The following RAE1 variants were observed in gnomAD, a reference collection of about 807,000 sequenced individuals.
RAE1 encodes mRNA export factor RAE1.
Under a neutral mutation model 52.7 loss-of-function variants are expected in RAE1, and 13 were observed. The observed-to-expected ratio is 0.25, with a 90% CI of 0.16 to 0.39. The LOEUF (loss-of-function observed/expected upper bound fraction) is 0.39, where lower values mean the gene tolerates loss of function less well. Ranked by LOEUF, RAE1 falls within the 10% of genes least tolerant of loss-of-function variation. The probability of loss-of-function intolerance (pLI) is 1.00; values close to 1 mark genes in which losing one functional copy is unlikely to be tolerated. For missense variants in RAE1, 262 were observed against 459.8 expected (o/e 0.57, Z 3.93); for synonymous variants, 164 against 153.1 (o/e 1.07, Z -0.52).
intron 4 of RAE1, among the ~76,000 whole-genome samples, chr20:57,364,311 C>G (rs1194748876): frequency 6.6e-6 from 1 of 152,184 alleles, no homozygotes; most frequent in African/African-American, 2.4e-5. Flanking sequence ...TTGGCATGCT[C>G]TGCTCCACAA....
rs561924066 is a variant in RAE1, at chr20:57,374,814, G to A, written c.1020+13G>A. 1.5e-5 allele frequency: 24 copies of A among 1,614,094 alleles called. No individual in the cohort carries two copies. Among genetic ancestry groups the A allele is most frequent in the East Asian group, 2.2e-5 (1 of 44,872 alleles). On this transcript the variant is annotated intron_variant, in intron 11 of 11. Transcript: ENST00000395841. ...CGACTGGTCAAAGGTGAGAACTCCC[G>A]GGCCTGCTCTGGGTGCTCCAAGGCA...
chr20:57,359,610 G>A (rs1568782437), intron 4 of RAE1: 1 of 152,228 alleles, frequency 6.6e-6, no homozygotes, highest in East Asian at 1.9e-4. Flanking sequence ...CTGTGGGTAA[G>A]TTGAAAGTTG....
Position 57,356,491 on chromosome 20 carries a change from G to T in RAE1, c.241G>T (p.Ala81Ser). ...AGACAGTGGACAGACCATTCCAAAA[G>T]CCCAGCAGATGCACACTGGGCCTGT... ...VQDSGQTIPK[A>S]QQMHTGPVLD... The change falls in exon 4 of 12, where the codon GCC (alanine) becomes TCC (serine). Residue 81 changes from alanine (A) to serine (S), a missense_variant. Ala to Ser is a moderately conservative substitution (Grantham distance 99). Transcript: ENST00000395841. The T allele has an allele frequency of 6.2e-7, 1 of 1,613,448 alleles. No homozygotes were observed.
chr20:57,370,705 T>G (rs1301130881), intron 8 of RAE1, among the ~76,000 whole-genome samples: 1 of 152,270 alleles, frequency 6.6e-6, no homozygotes, highest in East Asian at 1.9e-4. Flanking sequence ...CCATCTACTT[T>G]ATACGTATGT....
At chr20:57,366,977 T>C in intron 6 of RAE1, 31 bp from the exon 7 acceptor site, 5 of 1,593,022 alleles carry the variant, frequency 3.1e-6, no homozygotes, top group Non-Finnish European at 4.3e-6. Context: ...CTCTGAATGG[T>C]CACATACTGG....
Position 57,373,476 on chromosome 20 carries a change from A to G in RAE1, c.644A>G (p.His215Arg). 6.2e-7 allele frequency: 1 copy of G among 1,612,204 alleles called. No individual in the cohort carries two copies. Among genetic ancestry groups the G allele is most frequent in the Non-Finnish European group, 8.5e-7 (1 of 1,178,406 alleles). ...GTCTCTTTTTTATTTTAACTGTAGC[A>G]TCGGTGTGTGGCTATTTTTAAAGAC... ...RRIESPLKHQ[H>R]RCVAIFKDKQ... Residue 215 changes from histidine (H) to arginine (R), a missense_variant and splice_region_variant, in exon 9 of 12, where the codon CAT becomes CGT. By Grantham distance (29) the His-to-Arg change is conservative. Coordinates refer to ENST00000395841, the MANE Select transcript of RAE1 (RefSeq NM_003610.4).
intron 11 of RAE1, 116 bp downstream of exon 11, chr20:57,374,917 G>T (rs1381652890): frequency 8.6e-7 from 1 of 1,168,468 alleles, no homozygotes; most frequent in Non-Finnish European, 1.3e-6. Flanking sequence ...TCCTTGGGCA[G>T]GTCACCGTCC....
At chr20:57,361,809 A>G in intron 4 of RAE1, among the ~76,000 whole-genome samples, 1 of 152,180 alleles carries the variant, frequency 6.6e-6, no homozygotes, top group Non-Finnish European at 1.5e-5. Flanking sequence ...CCTATGGGCA[A>G]TCTTAATTTT....
chr20:57,360,517 TGTA>T (rs2066876781), intron 4 of RAE1, among the ~76,000 whole-genome samples: 1 of 152,188 alleles, frequency 6.6e-6, no homozygotes, highest in Non-Finnish European at 1.5e-5. Context: ...AATTGTTGCT[TGTA>T]GTACTCTGGC....
rs926015510 is a variant in RAE1, at chr20:57,378,289, G to T, written c.*190G>T. 1.2e-4 allele frequency: 65 copies of T among 537,744 alleles called. No homozygotes were observed. The highest frequency in any genetic ancestry group is 7.3e-5 in the Non-Finnish European group (22 of 301,186). The allele number at this position is 537,744 out of a possible 1,614,324, so 33.3% of individuals were successfully genotyped here. On this transcript the variant is annotated 3_prime_UTR_variant, in exon 12 of 12. Transcript: ENST00000395841. ...CGACTTGCCGTCTCTCCATTCCACT[G>T]CCTGTTGCAGAGTTTTTCTGTAACT...
chr20:57,351,815 C>T (rs922447473), intron 1 of RAE1: 2 of 985,370 alleles, frequency 2.0e-6, no homozygotes, highest in African/African-American at 1.7e-5. Context: ...CCATTTCTTT[C>T]GTAGCAGTTA....
chr20:57,362,276 A>G (rs908976420), intron 4 of RAE1, among the ~76,000 whole-genome samples: 63 of 152,260 alleles, frequency 4.1e-4, no homozygotes, highest in African/African-American at 1.4e-3. Flanking sequence ...TTTATTCAGT[A>G]GCAAGGATCA....
intron 4 of RAE1, among the ~76,000 whole-genome samples, chr20:57,361,947 T>G (rs2066897220): frequency 6.6e-6 from 1 of 152,232 alleles, no homozygotes; most frequent in African/African-American, 2.4e-5. Context: ...CTGCCTGAGC[T>G]CCGCCTCCTG....
At chr20:57,373,788 T>G (rs776422669) in intron 10 of RAE1, 50 bp downstream of exon 10, 1 of 1,552,332 alleles carries the variant, frequency 6.4e-7, no homozygotes, top group Non-Finnish European at 8.9e-7. Context: ...AAACCAGACT[T>G]GGAGGTGGCT....
At chr20:57,366,727 C>T (rs1236175066) in intron 5 of RAE1, 80 bp from the exon 6 acceptor site, 1 of 1,329,190 alleles carries the variant, frequency 7.5e-7, no homozygotes, top group Non-Finnish European at 1.1e-6. Flanking sequence ...TAGTTTCTTC[C>T]CTTTGAATTG....
rs765749500 is a variant in RAE1 at position 57,374,884 on chromosome 20, A to G, written c.1020+83A>G. The G allele has an allele frequency of 8.0e-6, 12 of 1,491,684 alleles. No homozygotes were observed. The Admixed American group carries it at 8.5e-5, about 11-fold the overall frequency. 92.4% of individuals were successfully genotyped at this position (1,491,684 alleles called of 1,614,324 possible). A position where few individuals can be genotyped will look rare whatever the true frequency, so the allele number is the denominator to read the frequency against. On this transcript the variant is annotated intron_variant, in intron 11 of 11. Transcript: ENST00000395841. ...TCAGAAGGCCTAGGCCTGAGTTGTG[A>G]CTCTTCTCAGGACTCACGTGTGTCC... is the stretch of plus-strand genomic sequence containing the variant.
chr20:57,355,266 GA>G (rs556874969), intron 3 of RAE1, among the ~76,000 whole-genome samples: 3 of 144,982 alleles, frequency 2.1e-5, no homozygotes, highest in Non-Finnish European at 2.9e-5. Context: ...TTTACTAAAA[GA>G]AAGAAAACTC....
chr20:57,367,415 G>A (rs1296835579), intron 7 of RAE1, among the ~76,000 whole-genome samples: 1 of 152,154 alleles, frequency 6.6e-6, no homozygotes, highest in South Asian at 2.1e-4. Flanking sequence ...GGTGGTACCA[G>A]GTCTTTGGGG....
intron 4 of RAE1, among the ~76,000 whole-genome samples, chr20:57,365,143 A>G (rs1202982271): frequency 6.6e-6 from 1 of 152,344 alleles, no homozygotes; most frequent in Non-Finnish European, 1.5e-5. Context: ...TCCTGTTTAT[A>G]TGTTCTCGCT....
Sources: allele counts gnomAD v4.1 joint callset (sites outside exome capture counted in the v4.1 genomes callset), GRCh38; gene constraint gnomAD v4.1.1; transcripts MANE v1.5; gene names NCBI Gene and HGNC (gene_info 2026-07-23, HGNC 2026-07-21).